Variants in SMAD1 observed in about 807,000 individuals in gnomAD.
The protein encoded by SMAD1 is MAD, mothers against decapentaplegic homolog 1.
In SMAD1, 6 loss-of-function variants were observed where a neutral mutation model predicts 41.6. The observed-to-expected ratio is 0.14, with a 90% confidence interval of 0.08 to 0.28. SMAD1 has a LOEUF of 0.28. SMAD1 is among the 10% of genes least tolerant of loss of function. The probability of loss-of-function intolerance (pLI) is 1.00; values close to 1 mark genes in which losing one functional copy is unlikely to be tolerated. For missense variants in SMAD1, 379 were observed against 582.6 expected (o/e 0.65, Z 3.60); for synonymous variants, 206 against 203.2 (o/e 1.01, Z -0.12).
chr4:145,492,756 C>CAT (rs1475009875), intron 1 of SMAD1, among the ~76,000 whole-genome samples: 1 of 152,202 alleles, frequency 6.6e-6, no homozygotes, highest in African/African-American at 2.4e-5. Context: ...AGCCAACAGT[C>CAT]AATCATTAGC....
At chr4:145,517,496 A>G (rs539815942) in intron 2 of SMAD1, among the ~76,000 whole-genome samples, 30 of 152,066 alleles carry the variant, frequency 2.0e-4, no homozygotes, top group African/African-American at 7.0e-4. Context: ...TCACACTTAT[A>G]ATGATTGTTC....
At chr4:145,490,584 A>G (rs192944628) in intron 1 of SMAD1, among the ~76,000 whole-genome samples, 1 of 152,338 alleles carries the variant, frequency 6.6e-6, no homozygotes, top group Admixed American at 6.5e-5. Context: ...GGGTTCAGAG[A>G]TAAGACTCTA....
chr4:145,514,886 G>A lies in SMAD1; in HGVS notation c.273G>A (p.Val91=). The change falls in exon 2 of 7, where the codon GTG becomes GTA. Residue 91 remains valine (V), a synonymous_variant. Coordinates refer to ENST00000302085, the MANE Select transcript of SMAD1 (RefSeq NM_005900.3). The surrounding 1 kb of genome is among the most constrained non-coding windows in gnomAD (Gnocchi z 4.7). ...KGLPHVIYCR[V]WRWPDLQSHH... The stretch of plus-strand genomic sequence containing the variant: ...TGCCTCATGTCATTTACTGCCGTGT[G>A]TGGCGCTGGCCCGATCTTCAGAGCC... 6.2e-7 allele frequency: 1 copy of A among 1,614,124 alleles called. No homozygotes were observed. The highest frequency in any genetic ancestry group is 8.5e-7 in the Non-Finnish European group (1 of 1,180,032).
At chr4:145,509,800 TACC>T (rs1729980142) in intron 1 of SMAD1, among the ~76,000 whole-genome samples, 1 of 152,118 alleles carries the variant, frequency 6.6e-6, no homozygotes, top group Admixed American at 6.6e-5. Flanking sequence ...ATGAAAATAA[TACC>T]AACTTCAAAA....
chr4:145,483,871 G>T (rs563966085), intron 1 of SMAD1, among the ~76,000 whole-genome samples: 1 of 152,162 alleles, frequency 6.6e-6, no homozygotes, highest in Non-Finnish European at 1.5e-5. Flanking sequence ...ACCTCTTGCA[G>T]TATCCTTTGG....
rs1732970473 is a variant in SMAD1 at position 145,558,534 on chromosome 4, T to C, written c.*600T>C. On this transcript the variant is annotated 3_prime_UTR_variant, in exon 7 of 7. Transcript: ENST00000302085. ...CTAGGCATATGCTTTTTGCTAAATA[T>C]GTATGTACAGAGTATTTGGAAGTTA... Among the ~76,000 whole-genome samples, 1 of 152,226 alleles carries C rather than the reference T, an allele frequency of 6.6e-6. No individual in the cohort carries two copies. Among genetic ancestry groups the C allele is most frequent in the African/African-American group, 2.4e-5 (1 of 41,458 alleles).
chr4:145,504,270 T>A (rs1372566684), intron 1 of SMAD1, among the ~76,000 whole-genome samples: 2 of 152,220 alleles, frequency 1.3e-5, no homozygotes, highest in African/African-American at 4.8e-5. Flanking sequence ...AAAGAAGCAT[T>A]TGAACATTAT....
chr4:145,515,577 C>T (rs1318195103), intron 2 of SMAD1, among the ~76,000 whole-genome samples: 1 of 152,108 alleles, frequency 6.6e-6, no homozygotes, highest in Non-Finnish European at 1.5e-5. Context: ...GAATTATATC[C>T]TTCTATGGAA....
At chr4:145,532,071 C>T (rs1418559361) in intron 2 of SMAD1, among the ~76,000 whole-genome samples, 1 of 152,176 alleles carries the variant, frequency 6.6e-6, no homozygotes, top group African/African-American at 2.4e-5. Flanking sequence ...CTTTCCAGAG[C>T]TCAGCCCCTC....
chr4:145,524,405 T>A lies in SMAD1; in HGVS notation c.400+9392T>A, dbSNP rs138317216. On this transcript the variant is annotated intron_variant, in intron 2 of 6. Coordinates refer to ENST00000302085, the MANE Select transcript of SMAD1 (RefSeq NM_005900.3). Reference sequence around the variant, plus strand: ...GTTATTAATTGATGAATAGATACTGTTTCAGCCATTACTGTATGTTACTTT... The same window carrying A: ...GTTATTAATTGATGAATAGATACTGATTCAGCCATTACTGTATGTTACTTT... Among the ~76,000 whole-genome samples, 998 of 152,302 alleles carry A rather than the reference T, an allele frequency of 6.6e-3. 7 individuals carry two copies. Among genetic ancestry groups the A allele is most frequent in the African/African-American group, 0.023 (953 of 41,556 alleles).
intron 1 of SMAD1, among the ~76,000 whole-genome samples, chr4:145,495,750 G>C (rs1729037082): frequency 6.7e-6 from 1 of 149,164 alleles, no homozygotes; most frequent in Non-Finnish European, 1.5e-5. Flanking sequence ...CAAGCAGCTG[G>C]GACTACAGGC....
chr4:145,515,113 A>G, intron 2 of SMAD1, 100 bp downstream of exon 2: 1 of 1,134,880 alleles, frequency 8.8e-7, no homozygotes, highest in Non-Finnish European at 1.2e-6. Context: ...TTTAGTTGTA[A>G]TTTAAAAATA....
rs186843067 is a variant in SMAD1, at chr4:145,501,446, G to A, written c.-176-12992G>A. 7.2e-5 allele frequency among the ~76,000 whole-genome samples: 11 copies of A among 152,222 alleles called. No individual in the cohort carries two copies. In the East Asian group the frequency reaches 1.7e-3, roughly 24 times the overall value. On this transcript the variant is annotated intron_variant, in intron 1 of 6. Transcript: ENST00000302085. ...ATATGGATGTGTTTCCCTTCTAGAG[G>A]GTCCTGATTAAATTATGCAATTAAG...
chr4:145,550,516 ATAAAT>A (rs1266222000), intron 5 of SMAD1, among the ~76,000 whole-genome samples: 3 of 152,210 alleles, frequency 2.0e-5, no homozygotes, highest in Admixed American at 6.5e-5. Context: ...CTGTCTTGAA[ATAAAT>A]TAATTAATTA....
chr4:145,506,478 A>C (rs1729791077), intron 1 of SMAD1, among the ~76,000 whole-genome samples: 1 of 152,140 alleles, frequency 6.6e-6, no homozygotes, highest in Non-Finnish European at 1.5e-5. Context: ...TAATACAATT[A>C]TTCCCTCAAT....
intron 5 of SMAD1, among the ~76,000 whole-genome samples, chr4:145,549,670 T>C (rs1458610005): frequency 6.6e-6 from 1 of 152,218 alleles, no homozygotes; most frequent in African/African-American, 2.4e-5. Context: ...CTATGAAATT[T>C]AGAACAGTGG....
At chr4:145,549,604 A>G (rs914034922) in intron 5 of SMAD1, among the ~76,000 whole-genome samples, 3 of 152,320 alleles carry the variant, frequency 2.0e-5, no homozygotes, top group African/African-American at 7.2e-5. Flanking sequence ...TTCCCTTTCA[A>G]ACTTTTCTAC....
Position 145,554,168 on chromosome 4 carries a change from C to T in SMAD1, c.1254+128C>T, listed in dbSNP as rs185409002. On this transcript the variant is annotated intron_variant, in intron 6 of 6. Coordinates refer to ENST00000302085, the MANE Select transcript of SMAD1 (RefSeq NM_005900.3). ...ATTATCATATTAGCTGACTTATTATCTAGGCATTTTTAAACTTTAACAAAA... is the reference window on the plus strand; with the variant it reads ...ATTATCATATTAGCTGACTTATTATTTAGGCATTTTTAAACTTTAACAAAA... The T allele has an allele frequency of 2.3e-5, 20 of 859,706 alleles. No individual in the cohort carries two copies. The East Asian group carries it at 3.5e-4, about 15-fold the overall frequency. The allele number at this position is 859,706 out of a possible 1,614,324, so 53.3% of individuals were successfully genotyped here.
chr4:145,547,033 A>G, intron 5 of SMAD1, 109 bp downstream of exon 5: 1 of 842,060 alleles, frequency 1.2e-6, no homozygotes, highest in Non-Finnish European at 2.0e-6. Context: ...AAGACCAGGT[A>G]ATGTTCACTT....
Sources: gnomAD v4.1 joint callset for allele counts (sites outside exome capture counted in the v4.1 genomes callset) on GRCh38, gnomAD v4.1.1 for gene constraint, Gnocchi (gnomAD v3.1) non-coding constraint, MANE v1.5 for transcripts, NCBI Gene and HGNC (gene_info 2026-07-23, HGNC 2026-07-21) for gene names.